Variants in SNTG2 observed in about 807,000 individuals in gnomAD.
The protein encoded by SNTG2 is syntrophin gamma 2.
A neutral mutation model predicts 70.9 loss-of-function variants in SNTG2; 74 were observed. That is an observed-to-expected ratio of 1.04 (90% CI 0.86 to 1.27). The LOEUF is 1.27. Ranked by LOEUF, SNTG2 falls within the 50% of genes most tolerant of loss-of-function variation. The probability of loss-of-function intolerance (pLI) is 0.00; values close to 1 mark genes in which losing one functional copy is unlikely to be tolerated. For synonymous variants in SNTG2, 278 were observed against 273.8 expected, an observed-to-expected ratio of 1.02 and a Z score of -0.15; for missense variants, 717 against 690.7, an observed-to-expected ratio of 1.04 and a Z score of -0.43.
chr2:1,224,448 T>C (rs564165821), intron 9 of SNTG2, among the ~76,000 whole-genome samples: 101 of 152,200 alleles, frequency 6.6e-4, no homozygotes, highest in African/African-American at 2.3e-3. Flanking sequence ...AGCCTCCTCA[T>C]CCCCCTCTCG....
At chr2:1,090,686 C>T (rs745398968) in intron 2 of SNTG2, among the ~76,000 whole-genome samples, 32 of 152,106 alleles carry the variant, frequency 2.1e-4, no homozygotes, top group South Asian at 1.5e-3. Context: ...ATTCTTCCTT[C>T]GGGGTGGGCT....
intron 4 of SNTG2, among the ~76,000 whole-genome samples, chr2:1,099,682 T>C (rs4991938): frequency 0.091 from 2,859 of 31,494 alleles, 87 homozygotes; most frequent in African/African-American, 0.18. Flanking sequence ...TGAGGGCAGT[T>C]GTGGTGAGGG....
chr2:1,148,652 C>T (rs1476976517), intron 6 of SNTG2, among the ~76,000 whole-genome samples: 1 of 152,218 alleles, frequency 6.6e-6, no homozygotes, highest in African/African-American at 2.4e-5. Context: ...AAAGGGTTCC[C>T]CCCGCTCCTT....
intron 1 of SNTG2, among the ~76,000 whole-genome samples, chr2:1,083,186 AT>A (rs1198394698): frequency 9.4e-5 from 9 of 95,870 alleles, no homozygotes; most frequent in Admixed American, 3.7e-4. Context: ...CTAAAAAAAT[AT>A]ATATATATAT....
intron 1 of SNTG2, among the ~76,000 whole-genome samples, chr2:1,083,071 G>A (rs1452182808): frequency 2.6e-5 from 4 of 152,104 alleles, no homozygotes; most frequent in African/African-American, 4.8e-5. Flanking sequence ...CTCGGCTGTC[G>A]TTACTTCCAA....
intron 14 of SNTG2, among the ~76,000 whole-genome samples, chr2:1,272,165 AAAT>A (rs1679057032): frequency 6.6e-6 from 1 of 152,056 alleles, no homozygotes; most frequent in Non-Finnish European, 1.5e-5. Flanking sequence ...ATCTGTAATG[AAAT>A]AATTATACAA....
At chr2:1,227,964 G>T (rs950689300) in intron 9 of SNTG2, among the ~76,000 whole-genome samples, 1 of 152,096 alleles carries the variant, frequency 6.6e-6, no homozygotes, top group East Asian at 1.9e-4. Context: ...CTCCCGCCTC[G>T]TGCAGGGGAT....
chr2:1,075,707 C>G (rs986051406), intron 1 of SNTG2, among the ~76,000 whole-genome samples: 3 of 152,134 alleles, frequency 2.0e-5, no homozygotes, highest in African/African-American at 4.8e-5. Context: ...TTGTTGATGT[C>G]TTCATTCTTT....
intron 14 of SNTG2, among the ~76,000 whole-genome samples, chr2:1,268,758 G>A (rs1230557831): frequency 6.6e-6 from 1 of 152,212 alleles, no homozygotes; most frequent in Non-Finnish European, 1.5e-5. Flanking sequence ...CAGCACTAAA[G>A]GTTCAAGTCG....
intron 8 of SNTG2, among the ~76,000 whole-genome samples, chr2:1,181,804 C>T (rs1338250108): frequency 2.6e-5 from 4 of 152,158 alleles, no homozygotes; most frequent in Non-Finnish European, 4.4e-5. Flanking sequence ...TGCCACATAT[C>T]CTTTCCCAGC....
intron 2 of SNTG2, among the ~76,000 whole-genome samples, chr2:1,085,493 A>C (rs1241740510): frequency 6.6e-6 from 1 of 152,234 alleles, no homozygotes; most frequent in East Asian, 1.9e-4. Flanking sequence ...TCCCACCTGC[A>C]CATTGGAGAA....
intron 1 of SNTG2, among the ~76,000 whole-genome samples, chr2:1,043,232 G>C (rs1661540989): frequency 6.6e-6 from 1 of 151,844 alleles, no homozygotes; most frequent in African/African-American, 2.4e-5. Context: ...TGTTTCTTTT[G>C]TTAGATTTGT....
At chr2:1,217,513 G>A (rs1674473570) in intron 9 of SNTG2, among the ~76,000 whole-genome samples, 1 of 152,208 alleles carries the variant, frequency 6.6e-6, no homozygotes, top group African/African-American at 2.4e-5. Context: ...ATGCCACAGA[G>A]TGGGGCTTTC....
rs199527480 is a variant in SNTG2 at position 1,165,571 on chromosome 2, C to T, written c.435C>T (p.Gly145=). 2.0e-5 allele frequency: 32 copies of T among 1,611,448 alleles called. No homozygotes were observed. The highest frequency in any genetic ancestry group is 5.3e-5 in the African/African-American group (4 of 74,800). ...EEVVHLLRNA[G]DEVTITVEYL... ...AGGTGCATCTGCTGAGAAATGCTGG[C>T]GATGAAGTTACCATCACCGTTGAGT... Residue 145 remains glycine, a synonymous_variant, in exon 7 of 17, where the codon GGC becomes GGT. Coordinates refer to ENST00000308624, the MANE Select transcript of SNTG2 (RefSeq NM_018968.4).
Position 1,227,907 on chromosome 2 carries a change from C to T in SNTG2, c.720-9981C>T, listed in dbSNP as rs192558781. 1.8e-3 allele frequency among the ~76,000 whole-genome samples: 275 copies of T among 152,264 alleles called. 5 individuals carry two copies. Among genetic ancestry groups the T allele is most frequent in the Admixed American group, 0.016 (238 of 15,302 alleles). On this transcript the variant is annotated intron_variant, in intron 9 of 16. Transcript: ENST00000308624. ...CCAAACACCGCTCTGCTGGGCAGGT[C>T]GGACTCCATTCTAAAAATGAGGAAG...
At chr2:1,060,763 G>A (rs746744228) in intron 1 of SNTG2, among the ~76,000 whole-genome samples, 4 of 152,216 alleles carry the variant, frequency 2.6e-5, no homozygotes, top group Non-Finnish European at 5.9e-5. Context: ...TGTACTTGTA[G>A]TTAGATGCCA....
chr2:1,143,596 C>G (rs1421421956), intron 6 of SNTG2, among the ~76,000 whole-genome samples: 1 of 151,508 alleles, frequency 6.6e-6, no homozygotes, highest in African/African-American at 2.4e-5. Flanking sequence ...TGGCCAATGT[C>G]AGTGACTCAC....
At chr2:1,203,686 A>ATGTGTGTGTGTGTGTGTG (rs1412007858) in intron 8 of SNTG2, among the ~76,000 whole-genome samples, 2 of 142,936 alleles carry the variant, frequency 1.4e-5, no homozygotes, top group African/African-American at 5.1e-5. Context: ...ATATATATAT[A>ATGTGTGTGTGTGTGTGTG]TATATGTGTG....
rs564719676 is a variant in SNTG2, at chr2:1,148,873, G to A, written c.411+11064G>A. 5.3e-5 allele frequency among the ~76,000 whole-genome samples: 8 copies of A among 152,230 alleles called. No homozygotes were observed. In the South Asian group the frequency reaches 1.5e-3, roughly 28 times the overall value. On this transcript the variant is annotated intron_variant, in intron 6 of 16. Transcript: ENST00000308624. ...CCTGCTGGGCCCACCCTCTGCAGGT[G>A]CCTCCTGCCCTGGTGTCACAGCCTG...
Sources: allele counts gnomAD v4.1 joint callset (sites outside exome capture counted in the v4.1 genomes callset), GRCh38; gene constraint gnomAD v4.1.1; transcripts MANE v1.5; gene names NCBI Gene and HGNC (gene_info 2026-07-23, HGNC 2026-07-21).